Variants in SEMA5A observed in about 807,000 individuals in gnomAD.
SEMA5A encodes semaphorin 5A, also known as semaphorin-5A.
SEMA5A carries 55 observed loss-of-function variants against 135.5 expected under a neutral mutation model. The observed-to-expected ratio is 0.41, with a 90% CI of 0.33 to 0.51. The LOEUF (loss-of-function observed/expected upper bound fraction) is 0.51, where lower values mean the gene tolerates loss of function less well. Among genes scored for constraint, SEMA5A ranks in the 20% least tolerant of loss-of-function variants. The probability of loss-of-function intolerance (pLI) is 0.37; values close to 1 mark genes in which losing one functional copy is unlikely to be tolerated. For missense variants in SEMA5A, 1,290 were observed against 1,419.9 expected, an observed-to-expected ratio of 0.91 and a Z score of 1.47; for synonymous variants, 580 against 546.5, an observed-to-expected ratio of 1.06 and a Z score of -0.85.
chr5:9,469,939 G>T (rs1759414642), intron 1 of SEMA5A, among the ~76,000 whole-genome samples: 1 of 152,156 alleles, frequency 6.6e-6, no homozygotes, highest in African/African-American at 2.4e-5. Flanking sequence ...TTTAGGATGT[G>T]TACAACTTTG....
intron 2 of SEMA5A, among the ~76,000 whole-genome samples, chr5:9,421,952 T>C (rs1252274721): frequency 6.6e-6 from 1 of 152,222 alleles, no homozygotes; most frequent in African/African-American, 2.4e-5. Flanking sequence ...CTATCTAATG[T>C]TAGACTTTTT....
rs778638409 is a variant in SEMA5A at position 9,108,279 on chromosome 5, T to C, written c.1934A>G (p.Asn645Ser). 2.6e-5 allele frequency: 42 copies of C among 1,614,000 alleles called. No individual in the cohort carries two copies. Among genetic ancestry groups the C allele is most frequent in the East Asian group, 2.2e-4 (10 of 44,880 alleles). The change falls in exon 16 of 23, where the codon AAT (asparagine) becomes AGT (serine). Residue 645 changes from asparagine (N) to serine (S), a missense_variant. This residue lies in a region of SEMA5A where 1,029 missense variants were observed against 1,086.6 expected (regional missense o/e 0.95). Transcript: ENST00000382496. ...VGQNREERYC[N>S]EHLLCPPHMF... ...GTGTGGGGGACATAGCAAATGTTCA[T>C]TGCAGTATCTGTAATGAGGAAACCA...
At chr5:9,293,501 C>T (rs982251903) in intron 5 of SEMA5A, among the ~76,000 whole-genome samples, 5 of 152,190 alleles carry the variant, frequency 3.3e-5, no homozygotes, top group Non-Finnish European at 7.3e-5. Flanking sequence ...AACATTCCAG[C>T]TTTTATACTC....
intron 11 of SEMA5A, among the ~76,000 whole-genome samples, chr5:9,168,881 A>T (rs1743758787): frequency 1.3e-5 from 2 of 152,178 alleles, no homozygotes; most frequent in African/African-American, 2.4e-5. Flanking sequence ...TTATTCATAT[A>T]TTAATCTCAT....
chr5:9,190,780 T>G (rs567160414), intron 10 of SEMA5A, among the ~76,000 whole-genome samples: 1 of 152,312 alleles, frequency 6.6e-6, no homozygotes, highest in South Asian at 2.1e-4. Flanking sequence ...ACTCCTCCTT[T>G]CCCGTCGAGT....
chr5:9,170,480 C>T (rs998744656), intron 11 of SEMA5A, among the ~76,000 whole-genome samples: 12 of 151,930 alleles, frequency 7.9e-5, no homozygotes, highest in African/African-American at 2.9e-4. Flanking sequence ...ATATTTGTGC[C>T]CCCCTACCCC....
chr5:9,149,626 A>G (rs1742523461), intron 12 of SEMA5A, among the ~76,000 whole-genome samples: 1 of 152,204 alleles, frequency 6.6e-6, no homozygotes, highest in Admixed American at 6.5e-5. Flanking sequence ...CCTGGGTAAC[A>G]GAGTGAGACT....
At chr5:9,401,653 G>T (rs138521665) in intron 2 of SEMA5A, among the ~76,000 whole-genome samples, 2 of 152,146 alleles carry the variant, frequency 1.3e-5, no homozygotes, top group Admixed American at 6.5e-5. Context: ...TCTATAAATC[G>T]TTAGCAAGCA....
chr5:9,405,516 G>A (rs1033403149), intron 2 of SEMA5A, among the ~76,000 whole-genome samples: 3 of 152,138 alleles, frequency 2.0e-5, no homozygotes, highest in Non-Finnish European at 4.4e-5. Flanking sequence ...GAGAAAGTGA[G>A]AATACTAGAC....
chr5:9,266,322 T>G (rs577462641), intron 5 of SEMA5A, among the ~76,000 whole-genome samples: 6 of 152,310 alleles, frequency 3.9e-5, no homozygotes, highest in African/African-American at 1.4e-4. Flanking sequence ...AAATAGAGTC[T>G]TCTGGCAAAC....
At chr5:9,118,004 C>G (rs962222756) in intron 15 of SEMA5A, among the ~76,000 whole-genome samples, 1 of 152,126 alleles carries the variant, frequency 6.6e-6, no homozygotes, top group African/African-American at 2.4e-5. Context: ...GAATGATTCT[C>G]CTTAGTTGAT....
chr5:9,319,654 T>C (rs1290359600), intron 4 of SEMA5A, among the ~76,000 whole-genome samples: 2 of 151,934 alleles, frequency 1.3e-5, no homozygotes, highest in Admixed American at 6.6e-5. Context: ...GTGCAAATAA[T>C]AATGTCAAGA....
At chr5:9,359,910 C>T (rs1754617474) in intron 3 of SEMA5A, among the ~76,000 whole-genome samples, 3 of 152,128 alleles carry the variant, frequency 2.0e-5, no homozygotes, top group Admixed American at 2.0e-4. Context: ...TAAAATTATT[C>T]CTTTGACAAC....
At chr5:9,086,452 T>A (rs1472445549) in intron 16 of SEMA5A, among the ~76,000 whole-genome samples, 11 of 152,118 alleles carry the variant, frequency 7.2e-5, no homozygotes, top group Admixed American at 7.2e-4. Context: ...CTGATGGTTT[T>A]AAAAATGGGA....
At chr5:9,481,268 G>A (rs1055381284) in intron 1 of SEMA5A, among the ~76,000 whole-genome samples, 7 of 152,068 alleles carry the variant, frequency 4.6e-5, no homozygotes, top group African/African-American at 7.2e-5. Context: ...TTAAATATAC[G>A]TCTGGTGAAG....
chr5:9,401,110 A>AT (rs531496206), intron 2 of SEMA5A, among the ~76,000 whole-genome samples: 53 of 151,944 alleles, frequency 3.5e-4, no homozygotes, highest in African/African-American at 1.2e-3. Context: ...TTTTCCCAGA[A>AT]TTTTTTTTCC....
chr5:9,509,247 C>T (rs1043001415), intron 1 of SEMA5A, among the ~76,000 whole-genome samples: 1 of 125,346 alleles, frequency 8.0e-6, no homozygotes, highest in Non-Finnish European at 1.6e-5. Context: ...ACTTAGTAGG[C>T]ATCCAACATA....
At chr5:9,469,764 T>C (rs1331013433) in intron 1 of SEMA5A, among the ~76,000 whole-genome samples, 6 of 152,218 alleles carry the variant, frequency 3.9e-5, no homozygotes, top group Admixed American at 2.6e-4. Context: ...GATGCTAGCT[T>C]CAAGGCAACC....
intron 6 of SEMA5A, among the ~76,000 whole-genome samples, chr5:9,237,418 G>T (rs1027162001): frequency 2.6e-5 from 4 of 152,110 alleles, no homozygotes; most frequent in African/African-American, 9.7e-5. Flanking sequence ...TTAAGATAAA[G>T]AATCTATCAC....
Sources: gnomAD v4.1 joint callset for allele counts (sites outside exome capture counted in the v4.1 genomes callset) on GRCh38, gnomAD v4.1.1 for gene constraint, gnomAD v4.1.1 regional missense constraint, MANE v1.5 for transcripts, NCBI Gene and HGNC (gene_info 2026-07-23, HGNC 2026-07-21) for gene names.